CYP19A1: variants seen among roughly 807,000 people sequenced by gnomAD.
CYP19A1 encodes aromatase.
In CYP19A1, 32 loss-of-function variants were observed where a neutral mutation model predicts 44.4. The ratio of observed to expected loss-of-function variants is 0.72; its 90% CI spans 0.54 to 0.97. The LOEUF (loss-of-function observed/expected upper bound fraction) is 0.97. CYP19A1 is among the 50% of genes least tolerant of loss of function. The probability of loss-of-function intolerance (pLI) is 0.00; values close to 1 mark genes in which losing one functional copy is unlikely to be tolerated. For synonymous variants in CYP19A1, 212 were observed against 215.6 expected (o/e 0.98, Z 0.14); for missense variants, 598 against 637.8 (o/e 0.94, Z 0.67).
At position 51,220,774 on chromosome 15, in the gene CYP19A1, T is replaced by G. The variant is rs144139201; in HGVS notation, c.628+1575A>C. Among the ~76,000 whole-genome samples, 6 of 152,322 alleles carry G rather than the reference T, an allele frequency of 3.9e-5. No homozygotes were observed. In the East Asian group the frequency reaches 1.2e-3, roughly 29 times the overall value. ...TCTCTACTAGCTACTTGGTTGTACA[T>G]AGATTATTATTTATTTTCTTCACTA... On this transcript the variant is annotated intron_variant, in intron 5 of 9. Transcript: ENST00000396402.
At chr15:51,223,700 G>A (rs1342793665) in intron 4 of CYP19A1, among the ~76,000 whole-genome samples, 1 of 151,708 alleles carries the variant, frequency 6.6e-6, no homozygotes, top group Non-Finnish European at 1.5e-5. Flanking sequence ...GGAGGCCTGA[G>A]GACTGGTCCT....
chr15:51,326,530 A>G (rs1483429351), intron 1 of CYP19A1, among the ~76,000 whole-genome samples: 3 of 152,204 alleles, frequency 2.0e-5, no homozygotes, highest in Non-Finnish European at 4.4e-5. Context: ...TAGACTTTCA[A>G]TTTTCTTTAT....
At chr15:51,290,950 G>A (rs924106232) in intron 1 of CYP19A1, among the ~76,000 whole-genome samples, 8 of 152,134 alleles carry the variant, frequency 5.3e-5, no homozygotes, top group Non-Finnish European at 7.3e-5. Flanking sequence ...CCCATTTCAC[G>A]TTGAGCATCA....
intron 2 of CYP19A1, among the ~76,000 whole-genome samples, chr15:51,239,537 A>G (rs2033616522): frequency 6.6e-6 from 1 of 152,244 alleles, no homozygotes; most frequent in Admixed American, 6.5e-5. Context: ...GAAGCAAGAT[A>G]GAAGAATACA....
chr15:51,265,441 G>A (rs1294663129), intron 1 of CYP19A1, among the ~76,000 whole-genome samples: 1 of 152,218 alleles, frequency 6.6e-6, no homozygotes, highest in African/African-American at 2.4e-5. Context: ...TGAACAAAAG[G>A]GATGGGGACA....
At chr15:51,265,809 T>TCC (rs35550288) in intron 1 of CYP19A1, among the ~76,000 whole-genome samples, 3 of 152,194 alleles carry the variant, frequency 2.0e-5, no homozygotes, top group African/African-American at 7.2e-5. Context: ...GCAGGGGCTC[T>TCC]CCGCTCTCCT....
At chr15:51,302,300 G>A (rs2036131109) in intron 1 of CYP19A1, among the ~76,000 whole-genome samples, 1 of 152,204 alleles carries the variant, frequency 6.6e-6, no homozygotes, top group Non-Finnish European at 1.5e-5. Context: ...CTCCTGTGAA[G>A]GAGCATTATT....
chr15:51,261,225 C>A (rs2034708071), intron 1 of CYP19A1, among the ~76,000 whole-genome samples: 1 of 152,150 alleles, frequency 6.6e-6, no homozygotes, highest in South Asian at 2.1e-4. Context: ...CCGCATGGCC[C>A]AAGGTTCCAT....
Position 51,326,701 on chromosome 15 carries a change from T to G in CYP19A1, c.-39+11794A>C, listed in dbSNP as rs146145943. Among the ~76,000 whole-genome samples, 9 of 152,206 alleles carry G rather than the reference T, an allele frequency of 5.9e-5. 1 individual carries two copies. In the South Asian group the frequency reaches 1.9e-3, roughly 31 times the overall value. On this transcript the variant is annotated intron_variant, in intron 1 of 9. Transcript: ENST00000396402. Reference sequence around the variant, plus strand: ...ATTCATTGGCCAGTAACATAGAATTTTGAACCTGGAAGAAACCTTAATATG... The same window carrying G: ...ATTCATTGGCCAGTAACATAGAATTGTGAACCTGGAAGAAACCTTAATATG...
intron 1 of CYP19A1, among the ~76,000 whole-genome samples, chr15:51,251,203 G>C (rs531283348): frequency 6.4e-4 from 97 of 152,282 alleles, no homozygotes; most frequent in Admixed American, 1.7e-3. Flanking sequence ...GGTCTCTGTG[G>C]CACATGGAGT....
chr15:51,286,276 C>T (rs1036774803), intron 1 of CYP19A1, among the ~76,000 whole-genome samples: 12 of 152,188 alleles, frequency 7.9e-5, no homozygotes, highest in Admixed American at 5.9e-4. Context: ...CTGGTCAACA[C>T]CTCTTATTTG....
chr15:51,334,795 C>T lies in CYP19A1; in HGVS notation c.-39+3700G>A, dbSNP rs116107393. Among the ~76,000 whole-genome samples, 1,391 of 152,300 alleles carry T rather than the reference C, an allele frequency of 9.1e-3. 21 individuals carry two copies. Among genetic ancestry groups the T allele is most frequent in the African/African-American group, 0.032 (1,340 of 41,554 alleles). ...TCCCCCTTCAAGAAAGGACTGACTGCCTGGCTGCAGAGATTAAGATTAAAG... is the reference window on the plus strand; with the variant it reads ...TCCCCCTTCAAGAAAGGACTGACTGTCTGGCTGCAGAGATTAAGATTAAAG... On this transcript the variant is annotated intron_variant, in intron 1 of 9. Transcript: ENST00000396402.
intron 8 of CYP19A1, among the ~76,000 whole-genome samples, chr15:51,213,453 G>A (rs1404264450): frequency 1.3e-5 from 2 of 152,196 alleles, no homozygotes; most frequent in Non-Finnish European, 2.9e-5. Context: ...GTCTAGTTTG[G>A]TCAGAGTCTT....
intron 1 of CYP19A1, among the ~76,000 whole-genome samples, chr15:51,335,396 C>T (rs78965354): frequency 0.021 from 3,237 of 152,214 alleles, 46 homozygotes; most frequent in Non-Finnish European, 0.034. Context: ...TATTCCCAAC[C>T]CTAGAGATAA....
intron 3 of CYP19A1, among the ~76,000 whole-genome samples, chr15:51,236,405 T>C (rs1391395663): frequency 6.6e-6 from 1 of 152,246 alleles, no homozygotes; most frequent in Admixed American, 6.5e-5. Context: ...GGTCTTACTC[T>C]GTCACCCAGA....
At chr15:51,226,922 C>G (rs1790787499) in intron 4 of CYP19A1, among the ~76,000 whole-genome samples, 1 of 152,100 alleles carries the variant, frequency 6.6e-6, no homozygotes, top group South Asian at 2.1e-4. Flanking sequence ...GGCTAGATGA[C>G]AGATATGGTC....
chr15:51,248,871 C>T (rs1284464345), intron 1 of CYP19A1, among the ~76,000 whole-genome samples: 2 of 152,118 alleles, frequency 1.3e-5, no homozygotes, highest in African/African-American at 2.4e-5. Context: ...GCTTACATCA[C>T]GTCAATCCTC....
chr15:51,260,823 C>T (rs915924353), intron 1 of CYP19A1, among the ~76,000 whole-genome samples: 1 of 152,188 alleles, frequency 6.6e-6, no homozygotes, highest in African/African-American at 2.4e-5. Flanking sequence ...AGGCTATAAA[C>T]CCCAGGCATT....
intron 1 of CYP19A1, among the ~76,000 whole-genome samples, chr15:51,260,655 CG>C (rs763571618): frequency 1.3e-5 from 2 of 152,144 alleles, no homozygotes; most frequent in Non-Finnish European, 2.9e-5. Flanking sequence ...GGAAGGTGAC[CG>C]CACCTACCTT....
Sources: gnomAD v4.1 joint callset for allele counts (sites outside exome capture counted in the v4.1 genomes callset) on GRCh38, gnomAD v4.1.1 for gene constraint, MANE v1.5 for transcripts, NCBI Gene and HGNC (gene_info 2026-07-23, HGNC 2026-07-21) for gene names.